The following SYNM variants were observed in gnomAD, a reference collection of about 807,000 sequenced individuals.
SYNM encodes synemin.
A neutral mutation model predicts 104.0 loss-of-function variants in SYNM; 95 were observed. The observed-to-expected ratio is 0.91, with a 90% CI of 0.77 to 1.08. The LOEUF is 1.08. Among genes scored for constraint, SYNM ranks in the 50% least tolerant of loss-of-function variants. SYNM has a pLI of 0.00. For missense variants in SYNM, 2,150 were observed against 2,052.2 expected (o/e 1.05, Z -0.92); for synonymous variants, 918 against 869.0 (o/e 1.06, Z -0.99).
chr15:99,126,933 C>G (rs1387582742), intron 3 of SYNM, 141 bp downstream of exon 3: 2 of 688,666 alleles, frequency 2.9e-6, no homozygotes, highest in Non-Finnish European at 4.7e-6. Flanking sequence ...ATTTAAGTAC[C>G]AAATAGATTT....
chr15:99,119,434 C>T (rs781892651), intron 2 of SYNM, among the ~76,000 whole-genome samples: 12 of 152,146 alleles, frequency 7.9e-5, no homozygotes, highest in Admixed American at 1.3e-4. Context: ...GTGGCCCAGG[C>T]GCAGGTAAGT....
At chr15:99,119,103 A>G (rs782298443) in intron 2 of SYNM, among the ~76,000 whole-genome samples, 9 of 152,212 alleles carry the variant, frequency 5.9e-5, no homozygotes, top group Non-Finnish European at 1.2e-4. Flanking sequence ...TTGCACTAGC[A>G]GCAGAATGGT....
chr15:99,111,262 A>G (rs896776011), intron 1 of SYNM, among the ~76,000 whole-genome samples: 1 of 152,126 alleles, frequency 6.6e-6, no homozygotes, highest in Non-Finnish European at 1.5e-5. Context: ...CAACATTTGA[A>G]CTTCTTTGTA....
At position 99,105,698 on chromosome 15, in the gene SYNM, C is replaced by T. The variant is rs551357888; in HGVS notation, c.499C>T (p.Arg167Cys). Residue 167 changes from arginine to cysteine, a missense_variant, in exon 1 of 4, where the codon CGC becomes TGC. Arg to Cys is a radical substitution (Grantham distance 180). Coordinates refer to ENST00000336292, the MANE Select transcript of SYNM (RefSeq NM_145728.3). ...ARAASLTMHF[R>C]ARATGPAAPP... ...CGCCGCCAGCCTTACCATGCATTTC[C>T]GCGCCCGCGCCACCGGCCCCGCCGC... is the stretch of plus-strand genomic sequence containing the variant. 3.2e-3 allele frequency: 4,803 copies of T among 1,486,522 alleles called. 12 individuals are homozygous for T. The highest frequency in any genetic ancestry group is 4.0e-3 in the Non-Finnish European group (4,523 of 1,124,084). The allele number at this position is 1,486,522 out of a possible 1,614,324, so 92.1% of individuals were successfully genotyped here. A position where few individuals can be genotyped will look rare whatever the true frequency, so the allele number is the denominator to read the frequency against.
chr15:99,122,811 C>T (rs569274532), intron 2 of SYNM, among the ~76,000 whole-genome samples: 12 of 152,142 alleles, frequency 7.9e-5, no homozygotes, highest in Non-Finnish European at 1.6e-4. Context: ...TGCACTCCAG[C>T]CTGGGCGACA....
downstream of SYNM, chr15:99,140,078 A>AT (rs1567304494): frequency 1.0e-5 from 2 of 200,708 alleles, no homozygotes; most frequent in African/African-American, 2.4e-5. Context: ...AGACCCTTTT[A>AT]TTTTTTTAAA....
rs560948476 is a variant in SYNM at position 99,116,399 on chromosome 15, G to A, written c.935+2684G>A. Among the ~76,000 whole-genome samples, 4 of 147,104 alleles carry A rather than the reference G, an allele frequency of 2.7e-5. No homozygotes were observed. The South Asian group carries it at 8.9e-4, about 33-fold the overall frequency. ...GAGTGACAGAAACTCTCCTCAGACT[G>A]CCCCAAGTCAGAAAAAGAATTTATT... On this transcript the variant is annotated intron_variant, in intron 2 of 3. Coordinates refer to ENST00000336292, the MANE Select transcript of SYNM (RefSeq NM_145728.3).
chr15:99,118,862 C>T (rs1378329709), intron 2 of SYNM, among the ~76,000 whole-genome samples: 1 of 152,184 alleles, frequency 6.6e-6, no homozygotes, highest in African/African-American at 2.4e-5. Context: ...CTAAGACGTG[C>T]AGCACCATCC....
At position 99,132,768 on chromosome 15, in the gene SYNM, G is replaced by A. The variant is rs781868164; in HGVS notation, c.4408G>A (p.Glu1470Lys). 6 of 1,613,866 alleles carry A rather than the reference G, an allele frequency of 3.7e-6. No individual in the cohort carries two copies. Among genetic ancestry groups the A allele is most frequent in the Non-Finnish European group, 4.2e-6 (5 of 1,179,898 alleles). ...FTFQMDVSNVEAIRSRTQEAG... is the reference protein window; with the variant it reads ...FTFQMDVSNVKAIRSRTQEAG... ...CTTTCAGATGGATGTGAGTAACGTA[G>A]AGGCGATCCGCAGCCGGACACAGGA... The change falls in exon 4 of 4, where the codon GAG (glutamate) becomes AAG (lysine). Residue 1470 changes from glutamate (E) to lysine (K), a missense_variant. Glu to Lys is a moderately conservative substitution (Grantham distance 56). Transcript: ENST00000336292.
At chr15:99,107,334 CGTT>C (rs781930042) in intron 1 of SYNM, among the ~76,000 whole-genome samples, 23 of 152,246 alleles carry the variant, frequency 1.5e-4, no homozygotes, top group African/African-American at 4.1e-4. Context: ...GTCCTATACT[CGTT>C]GTTGAGTGAA....
rs914470407 is a variant in SYNM, at chr15:99,129,528, A to G, written c.1168A>G (p.Ile390Val). 1.5e-5 allele frequency: 25 copies of G among 1,613,898 alleles called. No homozygotes were observed. Among genetic ancestry groups the G allele is most frequent in the Non-Finnish European group, 1.9e-5 (23 of 1,179,906 alleles). Residue 390 changes from isoleucine (I) to valine (V), a missense_variant, in exon 4 of 4, where the codon ATT becomes GTT. Transcript: ENST00000336292. ...GHRGSQTGTS[I>V]GGDARRGFLG... Reference sequence around the variant, plus strand: ...CCGTGGATCTCAGACGGGCACATCTATTGGAGGTGATGCCAGAAGAGGCTT... The same window carrying G: ...CCGTGGATCTCAGACGGGCACATCTGTTGGAGGTGATGCCAGAAGAGGCTT...
chr15:99,126,821 C>T (rs1019961056), intron 3 of SYNM, 29 bp downstream of exon 3: 12 of 1,548,980 alleles, frequency 7.7e-6, no homozygotes, highest in Non-Finnish European at 1.0e-5. Flanking sequence ...CTTGACTTAG[C>T]TTTAGGCATC....
chr15:99,105,141 G>C lies in SYNM; in HGVS notation c.-59G>C, dbSNP rs1596111652. ...CGTCGCGGCGGAGAGGACGAGACCGGGACAAGACCAGGGCAGGAGGGAGCC... is the reference window on the plus strand; with the variant it reads ...CGTCGCGGCGGAGAGGACGAGACCGCGACAAGACCAGGGCAGGAGGGAGCC... On this transcript the variant is annotated 5_prime_UTR_variant, in exon 1 of 4. Coordinates refer to ENST00000336292, the MANE Select transcript of SYNM (RefSeq NM_145728.3). 1 of 1,533,358 alleles carries C rather than the reference G, an allele frequency of 6.5e-7. No homozygotes were observed. Among genetic ancestry groups the C allele is most frequent in the Non-Finnish European group, 8.7e-7 (1 of 1,144,420 alleles). 95.0% of individuals were successfully genotyped at this position (1,533,358 alleles called of 1,614,324 possible). A position where few individuals can be genotyped will look rare whatever the true frequency, so the allele number is the denominator to read the frequency against.
chr15:99,139,299 T>G (rs140361738), downstream of SYNM: 14 of 1,609,378 alleles, frequency 8.7e-6, no homozygotes, highest in African/African-American at 1.9e-4. Flanking sequence ...AGAGAAAGTG[T>G]GAGGGACGCC....
intron 2 of SYNM, among the ~76,000 whole-genome samples, chr15:99,119,897 C>T (rs1402342807): frequency 6.6e-6 from 1 of 152,174 alleles, no homozygotes; most frequent in East Asian, 1.9e-4. Context: ...CATGACTGTC[C>T]ACCCCGTGTC....
chr15:99,132,618 C>T lies in SYNM; in HGVS notation c.4258C>T (p.Arg1420Cys), dbSNP rs782089037. The T allele has an allele frequency of 2.0e-5, 33 of 1,613,888 alleles. No individual in the cohort carries two copies. The highest frequency in any genetic ancestry group is 2.6e-5 in the Non-Finnish European group (31 of 1,179,906). ...GGAAACCTCTGAACACATTGCCATC[C>T]GTGGACCCGTGTCCAGAACATTTGT... ...ETETSEHIAIRGPVSRTFVLA... is the reference protein window; with the variant it reads ...ETETSEHIAICGPVSRTFVLA... The change falls in exon 4 of 4, where the codon CGT becomes TGT. Residue 1420 changes from arginine (R) to cysteine (C), a missense_variant. By Grantham distance (180) the Arg-to-Cys change is radical. Coordinates refer to ENST00000336292, the MANE Select transcript of SYNM (RefSeq NM_145728.3).
rs782635417 is a variant in SYNM at position 99,129,348 on chromosome 15, C to T, written c.1007-19C>T. On this transcript the variant is annotated intron_variant, in intron 3 of 3. Coordinates refer to ENST00000336292, the MANE Select transcript of SYNM (RefSeq NM_145728.3). ...ATGATGACTGTCATTTTAATGAATG[C>T]TTTGTTCAATTTCTACAGAATTCAG... 1.2e-5 allele frequency: 19 copies of T among 1,605,428 alleles called. No homozygotes were observed. Among genetic ancestry groups the T allele is most frequent in the Non-Finnish European group, 1.6e-5 (19 of 1,174,906 alleles).
chr15:99,130,572 G>T lies in SYNM; in HGVS notation c.2212G>T (p.Glu738Ter). 8 of 1,613,848 alleles carry T rather than the reference G, an allele frequency of 5.0e-6. No individual in the cohort carries two copies. The highest frequency in any genetic ancestry group is 6.8e-6 in the Non-Finnish European group (8 of 1,179,834). ...CATCAACCTCGGCCTGAAAGGGAGG[G>T]AGGGGAGAGCAAAGGTCGTCAACGT... ...DIINLGLKGREGRAKVVNVEI... is the reference protein window; with the variant it reads ...DIINLGLKGR Residue 738 changes from glutamate to a stop codon, truncating the protein, a stop_gained, in exon 4 of 4, where the codon GAG becomes TAG. Transcript: ENST00000336292. LOFTEE classifies it high-confidence loss of function.
intron 1 of SYNM, among the ~76,000 whole-genome samples, chr15:99,112,913 A>G (rs1017365335): frequency 6.6e-6 from 1 of 151,958 alleles, no homozygotes; most frequent in South Asian, 2.1e-4. Context: ...GTTTTGCCAT[A>G]TTGGCCAGGC....
Sources: gnomAD v4.1 joint callset for allele counts (sites outside exome capture counted in the v4.1 genomes callset) on GRCh38, gnomAD v4.1.1 for gene constraint, MANE v1.5 for transcripts, NCBI Gene and HGNC (gene_info 2026-07-23, HGNC 2026-07-21) for gene names.